RBFOX1: variants seen among roughly 807,000 people sequenced by gnomAD.
The protein encoded by RBFOX1 is RNA binding protein fox-1 homolog 1.
In RBFOX1, 8 loss-of-function variants were observed where a neutral mutation model predicts 57.7. That is an observed-to-expected ratio of 0.14 (90% CI 0.08 to 0.25). The LOEUF (loss-of-function observed/expected upper bound fraction) is 0.25. RBFOX1 is among the 10% of genes least tolerant of loss of function. RBFOX1 has a pLI of 1.00. For synonymous variants in RBFOX1, 326 were observed against 222.4 expected (o/e 1.47, Z -4.15); for missense variants, 611 against 548.5 (o/e 1.11, Z -1.14).
rs554983000 is a variant in RBFOX1 at position 5,852,131 on chromosome 16, G to A, written c.319-15172G>A. Among the ~76,000 whole-genome samples the A allele has an allele frequency of 3.9e-5, 6 of 152,236 alleles. No homozygotes were observed. The South Asian group carries it at 1.2e-3, about 32-fold the overall frequency. ...GAATGATCCTTAGTAAAAGTTAACC[G>A]GGTTTTTCCCCCTCTTATTATTCAT... is the stretch of plus-strand genomic sequence containing the variant. On this transcript the variant is annotated intron_variant, in intron 3 of 19. Transcript: ENST00000641259.
chr16:6,876,569 A>G (rs1218801059), intron 3 of RBFOX1, among the ~76,000 whole-genome samples: 1 of 152,194 alleles, frequency 6.6e-6, no homozygotes, highest in Non-Finnish European at 1.5e-5. Flanking sequence ...ATAAAAATTA[A>G]TAGTGTGAGA....
At chr16:5,919,192 T>C (rs79979143) in intron 4 of RBFOX1, among the ~76,000 whole-genome samples, 9,909 of 152,264 alleles carry the variant, frequency 0.065, 445 homozygotes, top group African/African-American at 0.11. Flanking sequence ...TCAGTGAAGG[T>C]CAGGCTGACC....
chr16:5,336,990 G>C (rs770823858), intron 1 of RBFOX1, among the ~76,000 whole-genome samples: 1 of 152,240 alleles, frequency 6.6e-6, no homozygotes, highest in Non-Finnish European at 1.5e-5. Flanking sequence ...GGAGATTTAA[G>C]AGGTGCCAAT....
intron 5 of RBFOX1, among the ~76,000 whole-genome samples, chr16:7,570,718 C>T (rs1398670568): frequency 1.3e-5 from 2 of 152,174 alleles, no homozygotes; most frequent in East Asian, 3.9e-4. Flanking sequence ...ACCATTTTAC[C>T]TGGCAATCCA....
At chr16:6,206,134 C>G (rs1194730268) in intron 1 of RBFOX1, among the ~76,000 whole-genome samples, 2 of 152,218 alleles carry the variant, frequency 1.3e-5, no homozygotes, top group South Asian at 4.2e-4. Flanking sequence ...AAATCTGACT[C>G]AGGAAGAAAA....
At chr16:7,114,095 G>C (rs983291944) in intron 4 of RBFOX1, among the ~76,000 whole-genome samples, 1 of 152,090 alleles carries the variant, frequency 6.6e-6, no homozygotes, top group Non-Finnish European at 1.5e-5. Flanking sequence ...TCAGACTTGG[G>C]CTATTTTAAG....
In RBFOX1 at chr16:7,564,818, A is replaced by G. The variant is rs536388420; in HGVS notation, c.271-14959A>G. On this transcript the variant is annotated intron_variant, in intron 5 of 15. Transcript: ENST00000550418. ...ATCCTATTTTTTTCCCAAGGAATAA[A>G]AATAGCAAAGGAATTCGGAGTCAGC... Among the ~76,000 whole-genome samples, 5 of 152,342 alleles carry G rather than the reference A, an allele frequency of 3.3e-5. No homozygotes were observed. In the East Asian group the frequency reaches 9.7e-4, roughly 29 times the overall value.
intron 3 of RBFOX1, among the ~76,000 whole-genome samples, chr16:6,851,819 A>G (rs988376960): frequency 6.6e-6 from 1 of 152,184 alleles, no homozygotes; most frequent in Non-Finnish European, 1.5e-5. Context: ...ATCAAGGCGC[A>G]GACATGGATG....
intron 11 of RBFOX1, among the ~76,000 whole-genome samples, chr16:7,643,718 A>C (rs1044741377): frequency 6.6e-6 from 1 of 152,202 alleles, no homozygotes; most frequent in African/African-American, 2.4e-5. Context: ...TGGCAAAGGG[A>C]AACAGCCTGC....
At chr16:6,708,542 A>G (rs2063168669) in intron 3 of RBFOX1, among the ~76,000 whole-genome samples, 1 of 152,144 alleles carries the variant, frequency 6.6e-6, no homozygotes, top group Non-Finnish European at 1.5e-5. Flanking sequence ...TCGCACAAAT[A>G]TGTTTTTTGC....
chr16:6,799,636 C>T (rs1603626205), intron 3 of RBFOX1, among the ~76,000 whole-genome samples: 1 of 152,238 alleles, frequency 6.6e-6, no homozygotes, highest in South Asian at 2.1e-4. Context: ...ATCCAATCAG[C>T]TGCCAGTACA....
At chr16:7,018,131 C>G (rs1367660299) in intron 3 of RBFOX1, among the ~76,000 whole-genome samples, 1 of 152,058 alleles carries the variant, frequency 6.6e-6, no homozygotes, top group Non-Finnish European at 1.5e-5. Context: ...GGAAGGGAAG[C>G]CCATCTGGAA....
chr16:5,891,804 T>C (rs1376093471), intron 4 of RBFOX1, among the ~76,000 whole-genome samples: 1 of 152,182 alleles, frequency 6.6e-6, no homozygotes, highest in East Asian at 1.9e-4. Context: ...ATAGCCAGTG[T>C]GGTCAGCTGT....
At position 6,201,426 on chromosome 16, in the gene RBFOX1, G is replaced by A. The variant is rs538707643; in HGVS notation, c.-126-115569G>A. Among the ~76,000 whole-genome samples, 19 of 152,228 alleles carry A rather than the reference G, an allele frequency of 1.2e-4. 1 individual carries two copies. The South Asian group carries it at 2.1e-3, about 17-fold the overall frequency. ...ACTAATTTGCATTCTCAACAACAGC[G>A]TATAAGGATTCCCCTTTCTCCACAT... On this transcript the variant is annotated intron_variant, in intron 1 of 15. Coordinates refer to ENST00000550418, the MANE Select transcript of RBFOX1 (RefSeq NM_018723.4).
rs561617183 is a variant in RBFOX1, at chr16:6,685,280, T to C, written c.-16+30630T>C. ...AAGAGAGGGAGAGTTTTTCTTTTTT[T>C]TTTTTTTTTTTTTGAGATGGAGTCT... On this transcript the variant is annotated intron_variant, in intron 3 of 15. Coordinates refer to ENST00000550418, the MANE Select transcript of RBFOX1 (RefSeq NM_018723.4). 3.0e-4 allele frequency among the ~76,000 whole-genome samples: 31 copies of C among 104,854 alleles called. No individual in the cohort carries two copies. The South Asian group carries it at 9.0e-3, about 30-fold the overall frequency. The allele number at this position is 104,854 out of a possible 152,430, so 68.8% of individuals were successfully genotyped here. A position where few individuals can be genotyped will look rare whatever the true frequency, so the allele number is the denominator to read the frequency against.
In RBFOX1 at chr16:6,361,584, C is replaced by T. The variant is rs546699109; in HGVS notation, c.-64+44527C>T. ...CGGAGGTTGCAGTGAGCCAAGATCG[C>T]GCCACTGCATTCCAGCCTGGGTGAC... On this transcript the variant is annotated intron_variant, in intron 2 of 15. Coordinates refer to ENST00000550418, the MANE Select transcript of RBFOX1 (RefSeq NM_018723.4). Among the ~76,000 whole-genome samples the T allele has an allele frequency of 4.0e-5, 6 of 150,620 alleles. No homozygotes were observed. In the East Asian group the frequency reaches 5.9e-4, roughly 15 times the overall value.
At chr16:5,862,841 AC>A (rs1448749141) in intron 3 of RBFOX1, among the ~76,000 whole-genome samples, 2 of 152,200 alleles carry the variant, frequency 1.3e-5, no homozygotes. Flanking sequence ...TGGAAGGCAC[AC>A]ACCACATACT....
chr16:7,636,679 C>T (rs1041704678), intron 11 of RBFOX1, among the ~76,000 whole-genome samples: 13 of 152,186 alleles, frequency 8.5e-5, no homozygotes, highest in African/African-American at 3.1e-4. Context: ...ATACCGTAGA[C>T]TGGGAGGCTT....
At position 6,715,926 on chromosome 16, in the gene RBFOX1, C is replaced by G. The variant is rs531617841; in HGVS notation, c.-16+61276C>G. ...TATTACAGCCTCATACCCTGCTTCT[C>G]TCTTCCTAGTATGATGATTAAGTCA... On this transcript the variant is annotated intron_variant, in intron 3 of 15. Coordinates refer to ENST00000550418, the MANE Select transcript of RBFOX1 (RefSeq NM_018723.4). Among the ~76,000 whole-genome samples the G allele has an allele frequency of 4.6e-5, 7 of 152,212 alleles. No homozygotes were observed. The East Asian group carries it at 5.8e-4, about 13-fold the overall frequency.
Sources: allele counts gnomAD v4.1 joint callset (sites outside exome capture counted in the v4.1 genomes callset), GRCh38; gene constraint gnomAD v4.1.1; transcripts MANE v1.5; gene names NCBI Gene and HGNC (gene_info 2026-07-23, HGNC 2026-07-21).